Variants in CHODL observed in about 807,000 individuals in gnomAD.
The protein encoded by CHODL is chondrolectin.
Under a neutral mutation model 34.5 loss-of-function variants are expected in CHODL, and 29 were observed. The observed-to-expected ratio is 0.84, with a 90% CI of 0.63 to 1.15. CHODL has a LOEUF of 1.15. Among genes scored for constraint, CHODL ranks in the 50% most tolerant of loss-of-function variants. CHODL has a pLI of 0.00. For synonymous variants in CHODL, 125 were observed against 116.1 expected (o/e 1.08, Z -0.49); for missense variants, 332 against 332.5 (o/e 1.00, Z 0.01).
intron 1 of CHODL, among the ~76,000 whole-genome samples, chr21:18,020,324 A>C (rs1359556350): frequency 2.6e-5 from 4 of 152,186 alleles, no homozygotes. Flanking sequence ...TAAGTCAAGG[A>C]AATTGAGGAG....
chr21:18,227,247 T>C (rs2073939180), intron 2 of CHODL, among the ~76,000 whole-genome samples: 1 of 152,118 alleles, frequency 6.6e-6, no homozygotes, highest in Non-Finnish European at 1.5e-5. Flanking sequence ...GATTTCAACA[T>C]ATGAATTTTG....
chr21:17,968,235 C>T lies in CHODL; in HGVS notation c.-145+50835C>T, dbSNP rs180727988. ...ATCAGGAACCTCTCCATAGTTTTGT[C>T]CTGTCAGTTTCCTGTTACTAAAAGC... On this transcript the variant is annotated intron_variant, in intron 1 of 6. Coordinates refer to the CHODL transcript ENST00000400127. Among the ~76,000 whole-genome samples, 650 of 152,308 alleles carry T rather than the reference C, an allele frequency of 4.3e-3. 2 individuals carry two copies. The highest frequency in any genetic ancestry group is 6.6e-3 in the Non-Finnish European group (450 of 68,030).
At chr21:18,194,333 G>A (rs1429903281) in intron 2 of CHODL, among the ~76,000 whole-genome samples, 2 of 151,984 alleles carry the variant, frequency 1.3e-5, no homozygotes, top group East Asian at 1.9e-4. Context: ...CCACATCTGT[G>A]GCTTCATCCT....
intron 1 of CHODL, among the ~76,000 whole-genome samples, chr21:17,960,690 C>T (rs2063525597): frequency 6.6e-6 from 1 of 152,088 alleles, no homozygotes; most frequent in African/African-American, 2.4e-5. Flanking sequence ...TTTTCCTTTT[C>T]TTACAGGATA....
intron 2 of CHODL, among the ~76,000 whole-genome samples, chr21:18,067,598 C>T (rs149422576): frequency 9.8e-5 from 15 of 152,306 alleles, no homozygotes; most frequent in Admixed American, 3.3e-4. Context: ...GACTTCTAGT[C>T]GTTAGACTAT....
At chr21:18,175,906 C>T (rs1231410498) in intron 2 of CHODL, among the ~76,000 whole-genome samples, 2 of 152,122 alleles carry the variant, frequency 1.3e-5, no homozygotes, top group Non-Finnish European at 2.9e-5. Flanking sequence ...CTAAAGACAA[C>T]ATCATTGTGG....
Position 18,258,191 on chromosome 21 carries a change from T to A in CHODL, c.547+1064T>A, listed in dbSNP as rs550376485. On this transcript the variant is annotated intron_variant, in intron 3 of 5. Coordinates refer to ENST00000299295, the MANE Select transcript of CHODL (RefSeq NM_024944.3). ...TCTTGAGTGTATTAGCCACCTTTTT[T>A]TTTATCCCTGGTGAGTTTATTCTTT... 2.6e-5 allele frequency among the ~76,000 whole-genome samples: 4 copies of A among 152,244 alleles called. No homozygotes were observed. In the East Asian group the frequency reaches 7.7e-4, roughly 29 times the overall value.
At chr21:18,019,085 G>T (rs186605004) in intron 1 of CHODL, among the ~76,000 whole-genome samples, 203 of 152,312 alleles carry the variant, frequency 1.3e-3, no homozygotes, top group African/African-American at 4.2e-3. Flanking sequence ...ATGATTATTT[G>T]TAGAGTTTTT....
At chr21:18,067,246 T>A (rs1368410771) in intron 2 of CHODL, among the ~76,000 whole-genome samples, 1 of 152,262 alleles carries the variant, frequency 6.6e-6, no homozygotes, top group East Asian at 1.9e-4. Context: ...TCCAAAAAGG[T>A]ATGTTGAAAT....
chr21:18,128,093 T>G (rs1198546036), intron 2 of CHODL, among the ~76,000 whole-genome samples: 5 of 150,878 alleles, frequency 3.3e-5, no homozygotes, highest in East Asian at 2.0e-4. Flanking sequence ...GAGGTCAGGA[T>G]ATCGAGACCA....
At chr21:17,951,453 T>C (rs1253992272) in intron 1 of CHODL, among the ~76,000 whole-genome samples, 3 of 152,126 alleles carry the variant, frequency 2.0e-5, no homozygotes, top group African/African-American at 7.2e-5. Context: ...GACCATGAGA[T>C]CTCAATATTG....
At chr21:18,087,353 C>T (rs1188192831) in intron 2 of CHODL, among the ~76,000 whole-genome samples, 1 of 152,158 alleles carries the variant, frequency 6.6e-6, no homozygotes, top group Non-Finnish European at 1.5e-5. Context: ...GCTGCTGCTG[C>T]ATCACCCTGA....
At chr21:18,124,379 A>G (rs955813350) in intron 2 of CHODL, among the ~76,000 whole-genome samples, 1 of 152,104 alleles carries the variant, frequency 6.6e-6, no homozygotes, top group Non-Finnish European at 1.5e-5. Context: ...TTGCTACTCA[A>G]TGTCTTCGGA....
At position 18,077,221 on chromosome 21, in the gene CHODL, C is replaced by T. The variant is rs184318457; in HGVS notation, c.-45+49250C>T. ...TCCCTTTTGGAATGGGATTGTCTGT[C>T]CTGTGCCTGTCACACCATTGTTTCT... On this transcript the variant is annotated intron_variant, in intron 2 of 6. Transcript: ENST00000400127. Among the ~76,000 whole-genome samples the T allele has an allele frequency of 1.8e-3, 267 of 152,284 alleles. 2 individuals are homozygous for T. Among genetic ancestry groups the T allele is most frequent in the Non-Finnish European group, 2.2e-3 (152 of 68,024 alleles).
intron 1 of CHODL, among the ~76,000 whole-genome samples, chr21:17,995,050 T>C (rs1600870028): frequency 6.6e-6 from 1 of 152,094 alleles, no homozygotes; most frequent in Non-Finnish European, 1.5e-5. Context: ...GCTAGGGACC[T>C]GATCGCACCC....
intron 1 of CHODL, among the ~76,000 whole-genome samples, chr21:18,246,912 A>T (rs2074148499): frequency 6.6e-6 from 1 of 152,174 alleles, no homozygotes; most frequent in Admixed American, 6.5e-5. Flanking sequence ...CTTGTAGGTG[A>T]CATCTGGAAA....
At chr21:18,133,857 G>A (rs2072688096) in intron 2 of CHODL, among the ~76,000 whole-genome samples, 1 of 152,124 alleles carries the variant, frequency 6.6e-6, no homozygotes, top group South Asian at 2.1e-4. Context: ...TCACTGAACT[G>A]GGAGTCCCAT....
chr21:18,037,401 A>C (rs1204827913), intron 2 of CHODL, among the ~76,000 whole-genome samples: 1 of 151,874 alleles, frequency 6.6e-6, no homozygotes, highest in Non-Finnish European at 1.5e-5. Context: ...TAGATCCTAA[A>C]ATGGTAGAGT....
chr21:18,151,338 T>G (rs1036167987), intron 2 of CHODL, among the ~76,000 whole-genome samples: 2 of 151,930 alleles, frequency 1.3e-5, no homozygotes, highest in Non-Finnish European at 2.9e-5. Flanking sequence ...CAGCAAAGTT[T>G]CCCTAAAAGG....
Sources: allele counts gnomAD v4.1 joint callset (sites outside exome capture counted in the v4.1 genomes callset), GRCh38; gene constraint gnomAD v4.1.1; transcripts MANE v1.5; gene names NCBI Gene and HGNC (gene_info 2026-07-23, HGNC 2026-07-21).